LEMD1: variants seen among roughly 807,000 people sequenced by gnomAD.
The protein encoded by LEMD1 is LEM domain-containing protein 1.
A neutral mutation model predicts 17.4 loss-of-function variants in LEMD1; 18 were observed. The observed-to-expected ratio is 1.04, with a 90% CI of 0.72 to 1.54. The LOEUF is 1.54. Among genes scored for constraint, LEMD1 ranks in the 40% most tolerant of loss-of-function variants. The pLI is 0.00. For missense variants in LEMD1, 195 were observed against 210.4 expected, an observed-to-expected ratio of 0.93 and a Z score of 0.45; for synonymous variants, 88 against 77.8, an observed-to-expected ratio of 1.13 and a Z score of -0.69.
intron 1 of LEMD1, among the ~76,000 whole-genome samples, chr1:205,445,006 C>G (rs1575010510): frequency 6.6e-6 from 1 of 152,032 alleles, no homozygotes; most frequent in Non-Finnish European, 1.5e-5. Context: ...CCCTTAGCAC[C>G]GCGTCTCAGT....
At chr1:205,424,145 T>C (rs1666027184), upstream of LEMD1, among the ~76,000 whole-genome samples, 1 of 152,190 alleles carries the variant, frequency 6.6e-6, no homozygotes, top group Non-Finnish European at 1.5e-5. Flanking sequence ...CAGTTGCAAT[T>C]GCCAATAACC....
chr1:205,426,729 G>A (rs1319576172), upstream of LEMD1, among the ~76,000 whole-genome samples: 1 of 152,180 alleles, frequency 6.6e-6, no homozygotes, highest in Non-Finnish European at 1.5e-5. Flanking sequence ...TTTCCCTGAG[G>A]GTGTTTAGGC....
At chr1:205,411,793 A>G (rs1665466376) in intron 4 of LEMD1, among the ~76,000 whole-genome samples, 1 of 152,206 alleles carries the variant, frequency 6.6e-6, no homozygotes, top group East Asian at 1.9e-4. Context: ...TGGGAAGATG[A>G]GAAGAGAGCA....
Position 205,411,671 on chromosome 1 carries a change from AAAAGAAAGAAAG to A in LEMD1, c.270+4549_270+4560del, listed in dbSNP as rs199610367. 9.9e-3 allele frequency among the ~76,000 whole-genome samples: 1,447 copies of A among 146,144 alleles called. 22 individuals are homozygous for A. Among genetic ancestry groups the A allele is most frequent in the African/African-American group, 0.035 (1,376 of 39,440 alleles). On this transcript the variant is annotated intron_variant, in intron 4 of 5. Coordinates refer to ENST00000367153, the MANE Select transcript of LEMD1 (RefSeq NM_001199050.2). The stretch of plus-strand genomic sequence containing the variant: ...AAAGAAAGGAAAGAAAGAAAGAAAG[AAAAGAAAGAAAG>A]AAAGAAAGAAAGAAAAAGGAAGAAA...
At chr1:205,414,719 C>T (rs192374545) in intron 4 of LEMD1, among the ~76,000 whole-genome samples, 48 of 152,168 alleles carry the variant, frequency 3.2e-4, no homozygotes, top group African/African-American at 1.1e-3. Context: ...CCACCATGCC[C>T]GGCCAGAATT....
upstream of LEMD1, among the ~76,000 whole-genome samples, chr1:205,423,532 C>T (rs1204413074): frequency 6.6e-6 from 1 of 152,202 alleles, no homozygotes; most frequent in Non-Finnish European, 1.5e-5. Context: ...GGGTTTAAAA[C>T]AAGCTAGGTA....
At chr1:205,411,625 G>A in intron 4 of LEMD1, among the ~76,000 whole-genome samples, 1 of 131,884 alleles carries the variant, frequency 7.6e-6, no homozygotes, top group Non-Finnish European at 1.6e-5. Flanking sequence ...AAGGAAAGAA[G>A]GAAGGAAGGA....
At chr1:205,383,150 G>C (rs560719349) in intron 5 of LEMD1, among the ~76,000 whole-genome samples, 2 of 152,082 alleles carry the variant, frequency 1.3e-5, no homozygotes, top group South Asian at 4.2e-4. Context: ...ATGCAGTGGC[G>C]TGATCATAGC....
intron 4 of LEMD1, among the ~76,000 whole-genome samples, chr1:205,414,648 T>C (rs891189436): frequency 2.0e-5 from 3 of 152,104 alleles, no homozygotes; most frequent in African/African-American, 7.2e-5. Flanking sequence ...AGTCTTGAAC[T>C]CTTGAGCTCA....
At chr1:205,393,107 T>C (rs1274062534) in intron 4 of LEMD1, among the ~76,000 whole-genome samples, 1 of 152,042 alleles carries the variant, frequency 6.6e-6, no homozygotes, top group Non-Finnish European at 1.5e-5. Context: ...TTGCACATCA[T>C]ATATCTGGGG....
Position 205,428,566 on chromosome 1 carries a change from C to T in LEMD1, c.-38-7992G>A, listed in dbSNP as rs181705580. Among the ~76,000 whole-genome samples, 24 of 152,228 alleles carry T rather than the reference C, an allele frequency of 1.6e-4. No individual in the cohort carries two copies. The East Asian group carries it at 4.4e-3, about 28-fold the overall frequency. ...ACAAGCAAATGGAGTGAACGAGAAC[C>T]TTTCAGAATGTGATAATGAGACAGA... is the stretch of plus-strand genomic sequence containing the variant. On this transcript the variant is annotated intron_variant, in intron 1 of 3. Coordinates refer to the LEMD1 transcript ENST00000367154.
At chr1:205,426,642 C>T (rs567656799), upstream of LEMD1, among the ~76,000 whole-genome samples, 24 of 152,244 alleles carry the variant, frequency 1.6e-4, no homozygotes, top group African/African-American at 5.8e-4. Context: ...GGGATGAGAC[C>T]AGGCTGGCTT....
intron 1 of LEMD1, among the ~76,000 whole-genome samples, chr1:205,442,518 C>T (rs1394650858): frequency 6.6e-6 from 1 of 152,178 alleles, no homozygotes; most frequent in Non-Finnish European, 1.5e-5. Flanking sequence ...AAGCACAGTG[C>T]CCGGTGGATC....
At chr1:205,413,578 C>T (rs1272992076) in intron 4 of LEMD1, among the ~76,000 whole-genome samples, 1 of 148,914 alleles carries the variant, frequency 6.7e-6, no homozygotes, top group Admixed American at 6.7e-5. Flanking sequence ...TGCGTGTCAC[C>T]ATGCCCAACT....
In LEMD1 at chr1:205,419,347, T is replaced by C; in HGVS notation, c.88A>G (p.Thr30Ala). 1 of 1,614,204 alleles carries C rather than the reference T, an allele frequency of 6.2e-7. No individual in the cohort carries two copies. The highest frequency in any genetic ancestry group is 1.3e-5 in the African/African-American group (1 of 75,066). ...GFSPGPILPS[T>A]RKLYEKKLVQ... Reference sequence around the variant, plus strand: ...AACTTTTTTTCATACAACTTTCTGGTGGAAGCTGAGGAAGAATTTGGAGAA... The same window carrying C: ...AACTTTTTTTCATACAACTTTCTGGCGGAAGCTGAGGAAGAATTTGGAGAA... The change falls in exon 3 of 6, where the codon ACC (threonine) becomes GCC (alanine). Residue 30 changes from threonine (T) to alanine (A), a missense_variant. Thr to Ala is a moderately conservative substitution (Grantham distance 58, BLOSUM62 0). Coordinates refer to ENST00000367153, the MANE Select transcript of LEMD1 (RefSeq NM_001199050.2).
chr1:205,442,843 G>A (rs1044113123), intron 1 of LEMD1, among the ~76,000 whole-genome samples: 2 of 152,180 alleles, frequency 1.3e-5, no homozygotes, highest in East Asian at 3.8e-4. Context: ...GACAAACCTA[G>A]AGAGAGACGG....
chr1:205,443,621 C>T (rs1666333701), intron 1 of LEMD1, among the ~76,000 whole-genome samples: 1 of 152,146 alleles, frequency 6.6e-6, no homozygotes, highest in Non-Finnish European at 1.5e-5. Context: ...TAGAAAGTAT[C>T]ATAAACAGGG....
At chr1:205,431,461 A>G (rs1409502183) in intron 1 of LEMD1, among the ~76,000 whole-genome samples, 1 of 152,240 alleles carries the variant, frequency 6.6e-6, no homozygotes, top group Non-Finnish European at 1.5e-5. Flanking sequence ...GGATATTATT[A>G]TCTGCATTTT....
At chr1:205,414,407 A>AC (rs1485456762) in intron 4 of LEMD1, among the ~76,000 whole-genome samples, 2 of 141,634 alleles carry the variant, frequency 1.4e-5, no homozygotes, top group African/African-American at 5.2e-5. Flanking sequence ...ACAGCGTGAG[A>AC]CCCCTGTCTC....
Sources: allele counts gnomAD v4.1 joint callset (sites outside exome capture counted in the v4.1 genomes callset), GRCh38; gene constraint gnomAD v4.1.1; transcripts MANE v1.5; gene names NCBI Gene and HGNC (gene_info 2026-07-23, HGNC 2026-07-21).